ABCA4: variants seen among roughly 807,000 people sequenced by gnomAD.
ABCA4 encodes the protein retinal-specific phospholipid-transporting ATPase ABCA4.
A neutral mutation model predicts 263.7 loss-of-function variants in ABCA4; 196 were observed. The observed-to-expected ratio is 0.74, with a 90% CI of 0.66 to 0.84. ABCA4 has a LOEUF of 0.84. Among genes scored for constraint, ABCA4 ranks in the 40% least tolerant of loss-of-function variants. The probability of loss-of-function intolerance (pLI) is 0.00; values close to 1 mark genes in which losing one functional copy is unlikely to be tolerated. For missense variants in ABCA4, 2,792 were observed against 2,855.1 expected, an observed-to-expected ratio of 0.98 and a Z score of 0.50; for synonymous variants, 1,133 against 1,094.2, an observed-to-expected ratio of 1.04 and a Z score of -0.70.
intron 1 of ABCA4, 79 bp downstream of exon 1, chr1:94,120,875 ACCCCCCACCCTGCCCCACCACCCTAC>A: frequency 1.3e-6 from 1 of 758,332 alleles, no homozygotes; most frequent in Non-Finnish European, 2.2e-6. Flanking sequence ...ACTGCTCACA[ACCCCCCACCCTGCCCCACCACCCTAC>A]CCCACCACCC....
Position 93,997,983 on chromosome 1 carries a change from A to G in ABCA4, c.6607T>C (p.Tyr2203His). The G allele has an allele frequency of 1.2e-6, 2 of 1,614,150 alleles. No individual in the cohort carries two copies. The highest frequency in any genetic ancestry group is 8.5e-7 in the Non-Finnish European group (1 of 1,180,024). ...GAGACCTGGAACTGGAGCATGTTGT[A>G]GTGCCTCTCCCTCTGCACACTGCCT... is the stretch of plus-strand genomic sequence containing the variant. ...FPGSVQRERH[Y>H]NMLQFQVSSS... Residue 2203 changes from tyrosine (Y) to histidine (H), a missense_variant, in exon 48 of 50, where the codon TAC becomes CAC. Tyr to His is a moderately conservative substitution (Grantham distance 83). Coordinates refer to ENST00000370225, the MANE Select transcript of ABCA4 (RefSeq NM_000350.3).
chr1:94,093,194 A>C (rs1662022869), intron 6 of ABCA4, among the ~76,000 whole-genome samples: 1 of 152,192 alleles, frequency 6.6e-6, no homozygotes, highest in Non-Finnish European at 1.5e-5. Flanking sequence ...TTAAGGAAGA[A>C]TCGGTGTATA....
At chr1:94,001,716 C>G (rs1659188989) in intron 45 of ABCA4, 142 bp downstream of exon 45, 1 of 1,273,938 alleles carries the variant, frequency 7.8e-7, no homozygotes, top group Non-Finnish European at 1.1e-6. Flanking sequence ...GCTGATCGCT[C>G]AAAATGAGCA....
intron 33 of ABCA4, 23 bp from the exon 34 acceptor site, chr1:94,021,737 A>G (rs961550875): frequency 6.2e-7 from 1 of 1,611,582 alleles, no homozygotes; most frequent in Non-Finnish European, 8.5e-7. Flanking sequence ...TAAACAAACA[A>G]ACAAGACGGT....
Position 94,031,915 on chromosome 1 carries a change from C to T in ABCA4, c.3991G>A (p.Gly1331Ser). The T allele has an allele frequency of 6.2e-7, 1 of 1,614,126 alleles. No individual in the cohort carries two copies. Among genetic ancestry groups the T allele is most frequent in the Non-Finnish European group, 8.5e-7 (1 of 1,180,016 alleles). Residue 1331 changes from glycine to serine, a missense_variant, in exon 27 of 50, where the codon GGC (glycine) becomes AGC (serine). By Grantham distance (56) the Gly-to-Ser change is moderately conservative (BLOSUM62 0). Coordinates refer to ENST00000370225, the MANE Select transcript of ABCA4 (RefSeq NM_000350.3). ...SPGAPAAHPE[G>S]QPPPEPECPG... ...CACTCTGGCTCTGGGGGAGGCTGGCCCTCTGGGTGAGCAGCCGGCGCCCCT... is the reference window on the plus strand; with the variant it reads ...CACTCTGGCTCTGGGGGAGGCTGGCTCTCTGGGTGAGCAGCCGGCGCCCCT...
Position 94,098,944 on chromosome 1 carries a change from G to C in ABCA4, c.618C>G (p.Ser206Arg), listed in dbSNP as rs61748536. The C allele has an allele frequency of 8.6e-4, 1,389 of 1,612,628 alleles. 10 individuals are homozygous for C. In the African/African-American group the frequency reaches 0.017, roughly 19 times the overall value. The change falls in exon 6 of 50, where the codon AGC (serine) becomes AGG (arginine). Residue 206 changes from serine to arginine, a missense_variant. Transcript: ENST00000370225. ...TGATGAAGCGCTCCAGGAGGGCCTC[G>C]CTGCAGGCGATGTCCTTCAGCGCCA... ...PDLALKDIAC[S>R]EALLERFIIF...
chr1:94,015,948 T>C, intron 36 of ABCA4, 94 bp from the exon 37 acceptor site: 2 of 1,064,494 alleles, frequency 1.9e-6, no homozygotes, highest in Non-Finnish European at 2.8e-6. Context: ...CTCCAGCTCG[T>C]AGGGTCTGGG....
chr1:94,073,383 T>C (rs1661457355), intron 11 of ABCA4, among the ~76,000 whole-genome samples: 1 of 152,154 alleles, frequency 6.6e-6, no homozygotes, highest in South Asian at 2.1e-4. Flanking sequence ...CCCCGGAGGA[T>C]GTGATTTGCA....
intron 38 of ABCA4, among the ~76,000 whole-genome samples, chr1:94,014,203 A>T (rs74636246): frequency 3.2e-5 from 4 of 126,342 alleles, no homozygotes; most frequent in African/African-American, 5.4e-5. Flanking sequence ...GAAAGAAGGA[A>T]GGATGGAGGG....
chr1:94,093,684 C>G (rs1276065500), intron 6 of ABCA4, among the ~76,000 whole-genome samples: 1 of 152,222 alleles, frequency 6.6e-6, no homozygotes, highest in Non-Finnish European at 1.5e-5. Flanking sequence ...AAAATAAGCC[C>G]TGGCCTACTG....
intron 38 of ABCA4, among the ~76,000 whole-genome samples, chr1:94,013,695 CA>C (rs1160870412): frequency 2.0e-5 from 3 of 152,072 alleles, no homozygotes; most frequent in Admixed American, 6.5e-5. Context: ...TGTCTCTGGA[CA>C]GGGGGAGGTC....
rs1570369603 is a variant in ABCA4 at position 94,040,130 on chromosome 1, G to A, written c.3523-3C>T. 6.2e-7 allele frequency: 1 copy of A among 1,603,452 alleles called. No individual in the cohort carries two copies. Reference sequence around the variant, plus strand: ...TTAGACGAGCAGCTGCAGGTCCCCTGCAACAGATGGATGGGATGACTGACA... The same window carrying A: ...TTAGACGAGCAGCTGCAGGTCCCCTACAACAGATGGATGGGATGACTGACA... On this transcript the variant is annotated splice_polypyrimidine_tract_variant and splice_region_variant and intron_variant, in intron 23 of 49. Transcript: ENST00000370225.
rs1191816747 is a variant in ABCA4, at chr1:94,113,040, C to T, written c.93G>A (p.Trp31Ter). 5 of 1,614,066 alleles carry T rather than the reference C, an allele frequency of 3.1e-6. No homozygotes were observed. The South Asian group carries it at 4.4e-5, about 14-fold the overall frequency. Residue 31 changes from tryptophan (W) to a stop codon, truncating the protein, a stop_gained, in exon 2 of 50, where the codon TGG (tryptophan) becomes TGA (stop). Coordinates refer to ENST00000370225, the MANE Select transcript of ABCA4 (RefSeq NM_000350.3). LOFTEE classifies it high-confidence loss of function. Reference sequence around the variant, plus strand: ...TCAAGACCAGAAATAAAGATAAAGGCCACACGAGTTCCACCACAAAGCGAA... The same window carrying T: ...TCAAGACCAGAAATAAAGATAAAGGTCACACGAGTTCCACCACAAAGCGAA... ...QKIRFVVELV[W>*]PLSLFLVLIW...
chr1:94,062,541 C>A (rs766596095), intron 13 of ABCA4, 36 bp downstream of exon 13: 2 of 1,605,256 alleles, frequency 1.2e-6, no homozygotes, highest in Non-Finnish European at 1.7e-6. Context: ...CCCCCATTAG[C>A]GTGTCATGGA....
At chr1:94,022,679 T>A (rs564417378) in intron 32 of ABCA4, among the ~76,000 whole-genome samples, 1 of 152,276 alleles carries the variant, frequency 6.6e-6, no homozygotes, top group Non-Finnish European at 1.5e-5. Context: ...GAAGCCAAAG[T>A]CAACAGAACA....
chr1:94,000,751 G>T, intron 47 of ABCA4, 85 bp downstream of exon 47: 1 of 1,404,096 alleles, frequency 7.1e-7, no homozygotes, highest in Non-Finnish European at 1.0e-6. Flanking sequence ...CGGAGCAGCA[G>T]GACTCTTCCA....
At chr1:94,070,113 C>G (rs574450683) in intron 11 of ABCA4, among the ~76,000 whole-genome samples, 4 of 152,272 alleles carry the variant, frequency 2.6e-5, no homozygotes, top group East Asian at 3.9e-4. Flanking sequence ...ATGGATGCTA[C>G]TATATTCAAA....
At position 94,077,745 on chromosome 1, in the gene ABCA4, C is replaced by G. The variant is rs1204946868; in HGVS notation, c.1499G>C (p.Arg500Thr). ...GCGATCAGTGATGTTAAATATGTCC[C>G]TCCAGTCGAAGTTGGCCATGTCGTC... ...QADDMANFDWRDIFNITDRTL... is the reference protein window; with the variant it reads ...QADDMANFDWTDIFNITDRTL... The change falls in exon 11 of 50, where the codon AGG (arginine) becomes ACG (threonine). Residue 500 changes from arginine (R) to threonine (T), a missense_variant. By Grantham distance (71) the Arg-to-Thr change is moderately conservative. Coordinates refer to ENST00000370225, the MANE Select transcript of ABCA4 (RefSeq NM_000350.3). 6.2e-7 allele frequency: 1 copy of G among 1,614,170 alleles called. No homozygotes were observed. Among genetic ancestry groups the G allele is most frequent in the Non-Finnish European group, 8.5e-7 (1 of 1,180,018 alleles).
At chr1:94,042,614 A>C in intron 22 of ABCA4, 147 bp downstream of exon 22, 1 of 1,131,258 alleles carries the variant, frequency 8.8e-7, no homozygotes, top group Non-Finnish European at 1.3e-6. Context: ...GCTGGAACTT[A>C]GATTCACCAA....
Sources: gnomAD v4.1 joint callset for allele counts (sites outside exome capture counted in the v4.1 genomes callset) on GRCh38, gnomAD v4.1.1 for gene constraint, MANE v1.5 for transcripts, NCBI Gene and HGNC (gene_info 2026-07-23, HGNC 2026-07-21) for gene names.